Variants in ZNF326 observed in about 807,000 individuals in gnomAD.
ZNF326 encodes zinc finger protein 326.
A neutral mutation model predicts 63.1 loss-of-function variants in ZNF326; 30 were observed. That is an observed-to-expected ratio of 0.48 (90% CI 0.36 to 0.64). The LOEUF is 0.64. Among genes scored for constraint, ZNF326 ranks in the 30% least tolerant of loss-of-function variants. ZNF326 has a pLI of 0.00. For missense variants in ZNF326, 609 were observed against 720.3 expected, an observed-to-expected ratio of 0.85 and a Z score of 1.77; for synonymous variants, 194 against 228.2, an observed-to-expected ratio of 0.85 and a Z score of 1.35.
intron 10 of ZNF326, 127 bp downstream of exon 10, chr1:90,021,049 A>T: frequency 9.8e-7 from 1 of 1,019,054 alleles, no homozygotes; most frequent in Non-Finnish European, 1.4e-6. Flanking sequence ...AATAACTGTA[A>T]GTATACTCAG....
At chr1:90,003,383 C>T (rs1024819528) in intron 2 of ZNF326, among the ~76,000 whole-genome samples, 2 of 152,140 alleles carry the variant, frequency 1.3e-5, no homozygotes, top group South Asian at 2.1e-4. Flanking sequence ...CTACCTGCCT[C>T]GACCTCCCAA....
At position 90,031,072 on chromosome 1, in the gene ZNF326, A is replaced by G. The variant is rs962773883; in HGVS notation, c.*3371A>G. On this transcript the variant is annotated 3_prime_UTR_variant, in exon 12 of 12. Transcript: ENST00000340281. ...CTCATACAAATTTCTGGTGCCTGTA[A>G]CTCTTCCCCTATCAAGGCAGGAGTT... 5.3e-5 allele frequency: 8 copies of G among 152,032 alleles called. No individual in the cohort carries two copies. The highest frequency in any genetic ancestry group is 1.9e-4 in the African/African-American group (8 of 41,384). 9.4% of individuals were successfully genotyped at this position (152,032 alleles called of 1,614,324 possible).
Position 90,010,122 on chromosome 1 carries a change from G to T in ZNF326, c.650G>T (p.Gly217Val). 1 of 1,613,754 alleles carries T rather than the reference G, an allele frequency of 6.2e-7. No homozygotes were observed. Among genetic ancestry groups the T allele is most frequent in the Non-Finnish European group, 8.5e-7 (1 of 1,179,802 alleles). ...GATTTTGGAAGCATTCATAGACCCG[G>T]AATTGTTGTTGACTATCAAAACAAA... ...MGDFGSIHRPGIVVDYQNKST... is the reference protein window; with the variant it reads ...MGDFGSIHRPVIVVDYQNKST... The change falls in exon 6 of 12, where the codon GGA becomes GTA. Residue 217 changes from glycine (G) to valine (V), a missense_variant. This residue lies in a region of ZNF326 where 399 missense variants were observed against 444.3 expected (regional missense o/e 0.90). Transcript: ENST00000340281.
At chr1:90,021,390 AAAAG>A (rs1231956469) in intron 10 of ZNF326, among the ~76,000 whole-genome samples, 2 of 152,068 alleles carry the variant, frequency 1.3e-5, no homozygotes, top group African/African-American at 4.8e-5. Flanking sequence ...TTTAGAATAA[AAAAG>A]AAAGTAAAGA....
chr1:89,996,187 G>A (rs1374709944), intron 1 of ZNF326, among the ~76,000 whole-genome samples: 1 of 152,140 alleles, frequency 6.6e-6, no homozygotes, highest in Non-Finnish European at 1.5e-5. Context: ...AAGATAAAGT[G>A]GTATGTAGTG....
chr1:90,005,173 G>GAGATCC lies in ZNF326; in HGVS notation c.140_145dup (p.Arg47_Ser48dup). 1 of 1,613,992 alleles carries GAGATCC rather than the reference G, an allele frequency of 6.2e-7. No homozygotes were observed. Among genetic ancestry groups the GAGATCC allele is most frequent in the Non-Finnish European group, 8.5e-7 (1 of 1,179,958 alleles). ...ATGGCCATGGATCCTATGGGGGTCAGAGATCCATGGATTCCTACCTAAACC... is the reference window on the plus strand; with the variant it reads ...ATGGCCATGGATCCTATGGGGGTCAGAGATCCAGATCCATGGATTCCTACCTAAACC... On this transcript the variant is annotated inframe_insertion, in exon 4 of 12. Transcript: ENST00000340281.
rs1015927890 is a variant in ZNF326, at chr1:90,018,676, G to T, written c.1075-9G>T. The stretch of plus-strand genomic sequence containing the variant: ...AAGCTATTTAGATTCTTTCTATTTT[G>T]TTTTCTAGGAGTGTATGGTGAATAA... On this transcript the variant is annotated splice_polypyrimidine_tract_variant and intron_variant, in intron 8 of 11. Coordinates refer to ENST00000340281, the MANE Select transcript of ZNF326 (RefSeq NM_182976.4). 8 of 1,519,406 alleles carry T rather than the reference G, an allele frequency of 5.3e-6. No homozygotes were observed. The highest frequency in any genetic ancestry group is 7.2e-6 in the Non-Finnish European group (8 of 1,117,304). 94.1% of individuals were successfully genotyped at this position (1,519,406 alleles called of 1,614,324 possible).
intron 2 of ZNF326, 136 bp downstream of exon 2, chr1:89,998,290 A>T: frequency 1.4e-6 from 1 of 718,438 alleles, no homozygotes; most frequent in Non-Finnish European, 2.2e-6. Context: ...CTTACTATAT[A>T]TAGTATTTGA....
Position 90,020,833 on chromosome 1 carries a change from C to G in ZNF326, c.1216C>G (p.His406Asp), listed in dbSNP as rs540602790. ...DDHMMKVETVHCSACSVYIPA... is the reference protein window; with the variant it reads ...DDHMMKVETVDCSACSVYIPA... ...TCACATGATGAAGGTAGAGACAGTT[C>G]ATTGCAGCGCTTGCAGTGTTTATAT... The change falls in exon 10 of 12, where the codon CAT becomes GAT. Residue 406 changes from histidine to aspartate, a missense_variant. Physicochemically the swap from His to Asp is moderately conservative, Grantham distance 81. Around this residue, in one of 3 missense-constraint regions of ZNF326, gnomAD observed 399 missense variants for 444.3 expected, o/e 0.90. Transcript: ENST00000340281. 1 of 1,612,952 alleles carries G rather than the reference C, an allele frequency of 6.2e-7. No homozygotes were observed. Among genetic ancestry groups the G allele is most frequent in the Non-Finnish European group, 8.5e-7 (1 of 1,179,260 alleles).
chr1:90,021,209 T>C (rs950596164), intron 10 of ZNF326, among the ~76,000 whole-genome samples: 12 of 152,120 alleles, frequency 7.9e-5, no homozygotes, highest in Non-Finnish European at 1.2e-4. Flanking sequence ...TCTACTCTTA[T>C]CTGATTTTTT....
chr1:90,017,038 G>A (rs1297875232), intron 7 of ZNF326, among the ~76,000 whole-genome samples: 12 of 152,136 alleles, frequency 7.9e-5, no homozygotes, highest in African/African-American at 2.4e-4. Flanking sequence ...CTTTTTAATT[G>A]GTCCAGGCTT....
chr1:90,006,051 A>G (rs922327890), intron 4 of ZNF326: 1 of 985,314 alleles, frequency 1.0e-6, no homozygotes, highest in Non-Finnish European at 1.2e-6. Context: ...CATGTGAAAC[A>G]GTCATCCTTC....
intron 7 of ZNF326, among the ~76,000 whole-genome samples, chr1:90,015,394 A>G (rs539213135): frequency 6.6e-6 from 1 of 152,328 alleles, no homozygotes; most frequent in South Asian, 2.1e-4. Flanking sequence ...ATAAGGGTAT[A>G]GGAGACCAAG....
chr1:90,010,497 T>C (rs564433181), intron 6 of ZNF326, among the ~76,000 whole-genome samples: 10 of 152,230 alleles, frequency 6.6e-5, no homozygotes, highest in African/African-American at 2.4e-4. Context: ...TCCATTCCTT[T>C]TTCCTGAATC....
Position 90,007,601 on chromosome 1 carries a change from TC to T in ZNF326, c.468del (p.Tyr157ThrfsTer9). The T allele has an allele frequency of 1.2e-6, 2 of 1,604,930 alleles. No homozygotes were observed. The highest frequency in any genetic ancestry group is 1.7e-6 in the Non-Finnish European group (2 of 1,174,956). The stretch of plus-strand genomic sequence containing the variant: ...GGACAGAGGAAGAGAGAATTACTCT[TC>T]CTACAGCAGTTTTTCTTCACCCCAT... ...MEDRGRENYS[S>X]YSSFSSPHMK... On this transcript the variant is annotated frameshift_variant, in exon 5 of 12. Transcript: ENST00000340281. LOFTEE classifies it high-confidence loss of function. This position sits in a 1 kb window ranked among gnomAD's most constrained non-coding sequence, Gnocchi z 4.9.
intron 11 of ZNF326, among the ~76,000 whole-genome samples, 155 bp from the exon 12 acceptor site, chr1:90,027,199 G>A (rs1395250599): frequency 6.6e-6 from 1 of 152,058 alleles, no homozygotes; most frequent in African/African-American, 2.4e-5. Flanking sequence ...GTATGGAATG[G>A]ACAGTCAACA....
intron 4 of ZNF326, chr1:90,006,469 G>A (rs1648994514): frequency 1.0e-6 from 1 of 985,098 alleles, no homozygotes; most frequent in South Asian, 4.7e-5. Flanking sequence ...TCCATGCTTT[G>A]GGTTTGTGAG....
In ZNF326 at chr1:90,022,729, C is replaced by T. The variant is rs181710820; in HGVS notation, c.1401+384C>T. ...CTTAGATCCTCCCAATTTCTGTTAC[C>T]AGCCCAGATGGACAGCAACAGGCTT... On this transcript the variant is annotated intron_variant, in intron 11 of 11. Coordinates refer to ENST00000340281, the MANE Select transcript of ZNF326 (RefSeq NM_182976.4). Among the ~76,000 whole-genome samples the T allele has an allele frequency of 2.6e-5, 4 of 152,152 alleles. No homozygotes were observed. The East Asian group carries it at 7.7e-4, about 29-fold the overall frequency.
intron 5 of ZNF326, among the ~76,000 whole-genome samples, chr1:90,008,503 A>G (rs1269329043): frequency 6.6e-6 from 1 of 152,186 alleles, no homozygotes; most frequent in Non-Finnish European, 1.5e-5. Flanking sequence ...GTTTAAGTTT[A>G]GGGTACATAG....
Sources: gnomAD v4.1 joint callset for allele counts (sites outside exome capture counted in the v4.1 genomes callset) on GRCh38, gnomAD v4.1.1 for gene constraint, gnomAD v4.1.1 regional missense constraint, Gnocchi (gnomAD v3.1) non-coding constraint, MANE v1.5 for transcripts, NCBI Gene and HGNC (gene_info 2026-07-23, HGNC 2026-07-21) for gene names.